Variants in PPP1R9A observed in about 807,000 individuals in gnomAD.
The protein encoded by PPP1R9A is protein phosphatase 1 regulatory subunit 9A, also known as neurabin-1.
PPP1R9A carries 59 observed loss-of-function variants against 141.9 expected under a neutral mutation model. The observed-to-expected ratio is 0.42, with a 90% CI of 0.34 to 0.52. The LOEUF is 0.52. Ranked by LOEUF, PPP1R9A falls within the 20% of genes least tolerant of loss-of-function variation. The pLI is 0.10. For missense variants in PPP1R9A, 1,444 were observed against 1,611.9 expected (o/e 0.90, Z 1.78); for synonymous variants, 500 against 569.7 (o/e 0.88, Z 1.74).
chr7:95,006,758 G>T (rs796124471), intron 2 of PPP1R9A, among the ~76,000 whole-genome samples: 2 of 152,208 alleles, frequency 1.3e-5, no homozygotes, highest in African/African-American at 4.8e-5. Context: ...ATGGTCTCCT[G>T]GAGGTGAGAC....
chr7:94,971,556 A>C (rs1207881958), intron 2 of PPP1R9A, among the ~76,000 whole-genome samples: 2 of 152,190 alleles, frequency 1.3e-5, no homozygotes, highest in African/African-American at 2.4e-5. Flanking sequence ...GATCATCTTG[A>C]GAATTCACAG....
intron 12 of PPP1R9A, among the ~76,000 whole-genome samples, chr7:95,266,325 C>T (rs2153041423): frequency 7.6e-6 from 1 of 131,176 alleles, no homozygotes; most frequent in East Asian, 2.3e-4. Context: ...TTCAACATGT[C>T]ATCCTTTTTT....
At chr7:95,135,468 A>T (rs1825474390) in intron 4 of PPP1R9A, among the ~76,000 whole-genome samples, 1 of 152,130 alleles carries the variant, frequency 6.6e-6, no homozygotes, top group South Asian at 2.1e-4. Flanking sequence ...ATCAGAATTG[A>T]CAGGATGCTT....
chr7:95,153,050 A>G (rs1212818654), intron 4 of PPP1R9A, among the ~76,000 whole-genome samples: 2 of 151,976 alleles, frequency 1.3e-5, no homozygotes, highest in African/African-American at 2.4e-5. Context: ...GAGTTTCACC[A>G]TATTGGCCAG....
chr7:94,961,780 C>T (rs1008599142), intron 2 of PPP1R9A, among the ~76,000 whole-genome samples: 1 of 151,780 alleles, frequency 6.6e-6, no homozygotes, highest in Non-Finnish European at 1.5e-5. Context: ...ATGTTTTACT[C>T]GTGAATTAAG....
intron 8 of PPP1R9A, among the ~76,000 whole-genome samples, chr7:95,243,478 C>T (rs1797731264): frequency 6.6e-6 from 1 of 152,098 alleles, no homozygotes; most frequent in South Asian, 2.1e-4. Context: ...CACCATTTTG[C>T]ATTCACTGTC....
intron 2 of PPP1R9A, among the ~76,000 whole-genome samples, chr7:95,013,700 A>G (rs1201916492): frequency 1.3e-5 from 2 of 152,070 alleles, no homozygotes; most frequent in Admixed American, 1.3e-4. Context: ...TAATTAAGAA[A>G]TTATTTAGTT....
At chr7:94,988,735 G>A (rs527777061) in intron 2 of PPP1R9A, among the ~76,000 whole-genome samples, 1 of 152,160 alleles carries the variant, frequency 6.6e-6, no homozygotes, top group South Asian at 2.1e-4. Context: ...TAGGTGTAAA[G>A]TAGGCAGAGT....
intron 2 of PPP1R9A, among the ~76,000 whole-genome samples, chr7:95,092,594 A>G (rs948173769): frequency 1.4e-4 from 21 of 152,236 alleles, no homozygotes; most frequent in African/African-American, 5.1e-4. Flanking sequence ...AACTGCTTTT[A>G]TCAGGCAGAC....
chr7:95,218,250 T>C (rs956418829), intron 7 of PPP1R9A, among the ~76,000 whole-genome samples: 2 of 152,188 alleles, frequency 1.3e-5, no homozygotes, highest in African/African-American at 4.8e-5. Context: ...AGGAGCAGCT[T>C]GTTCAGTTTC....
intron 2 of PPP1R9A, among the ~76,000 whole-genome samples, chr7:94,984,908 C>A (rs1165133615): frequency 6.6e-6 from 1 of 152,054 alleles, no homozygotes; most frequent in Non-Finnish European, 1.5e-5. Flanking sequence ...TTCTCTAGTT[C>A]TTTTAATTGT....
intron 4 of PPP1R9A, among the ~76,000 whole-genome samples, chr7:95,129,875 A>G (rs1018156005): frequency 3.9e-5 from 6 of 152,200 alleles, no homozygotes; most frequent in Non-Finnish European, 5.9e-5. Flanking sequence ...GATATCTGGC[A>G]TAAGAAATTT....
chr7:94,999,777 TTTTA>T (rs34600036), intron 2 of PPP1R9A, among the ~76,000 whole-genome samples: 28,652 of 141,136 alleles, frequency 0.2, 3,250 homozygotes, highest in South Asian at 0.32. Context: ...AGATATCTTA[TTTTA>T]TTTATTTATT....
chr7:94,938,817 G>A (rs551053133), intron 2 of PPP1R9A, among the ~76,000 whole-genome samples: 15 of 152,182 alleles, frequency 9.9e-5, no homozygotes, highest in African/African-American at 2.4e-4. Flanking sequence ...TTCCTTTTTG[G>A]GGGGTAGAAA....
At chr7:95,238,123 C>T (rs1796960532) in intron 8 of PPP1R9A, among the ~76,000 whole-genome samples, 2 of 152,148 alleles carry the variant, frequency 1.3e-5, no homozygotes, top group Non-Finnish European at 2.9e-5. Context: ...ATACCATCCT[C>T]TACCTCTCCT....
chr7:95,206,724 G>C (rs1327574509), intron 7 of PPP1R9A, among the ~76,000 whole-genome samples: 1 of 152,156 alleles, frequency 6.6e-6, no homozygotes, highest in Non-Finnish European at 1.5e-5. Flanking sequence ...AATAAAAGCA[G>C]AACATACTTT....
chr7:95,002,623 A>C (rs1206338480), intron 2 of PPP1R9A, among the ~76,000 whole-genome samples: 1 of 152,170 alleles, frequency 6.6e-6, no homozygotes, highest in Non-Finnish European at 1.5e-5. Flanking sequence ...CCTGGCCTAA[A>C]ATTGGAAGTA....
At chr7:95,218,216 T>A (rs1793803586) in intron 7 of PPP1R9A, among the ~76,000 whole-genome samples, 1 of 152,212 alleles carries the variant, frequency 6.6e-6, no homozygotes, top group Non-Finnish European at 1.5e-5. Context: ...TGCCTTCACT[T>A]CCTTACGTAC....
chr7:95,087,168 G>A (rs1395973265), intron 2 of PPP1R9A, among the ~76,000 whole-genome samples: 1 of 151,892 alleles, frequency 6.6e-6, no homozygotes, highest in East Asian at 1.9e-4. Context: ...GTGTAGTTGC[G>A]CTACGATTGT....
Sources: gnomAD v4.1 joint callset for allele counts (sites outside exome capture counted in the v4.1 genomes callset) on GRCh38, gnomAD v4.1.1 for gene constraint, MANE v1.5 for transcripts, NCBI Gene and HGNC (gene_info 2026-07-23, HGNC 2026-07-21) for gene names.